The following ERG variants were observed in gnomAD, a reference collection of about 807,000 sequenced individuals.
ERG encodes ETS transcription factor ERG.
ERG carries 9 observed loss-of-function variants against 55.3 expected under a neutral mutation model. The observed-to-expected ratio is 0.16, with a 90% confidence interval of 0.10 to 0.28. The LOEUF (loss-of-function observed/expected upper bound fraction) is 0.28, where lower values mean the gene tolerates loss of function less well. Among genes scored for constraint, ERG ranks in the 10% least tolerant of loss-of-function variants. The probability of loss-of-function intolerance (pLI) is 1.00; values close to 1 mark genes in which losing one functional copy is unlikely to be tolerated. For synonymous variants in ERG, 223 were observed against 237.3 expected (o/e 0.94, Z 0.55); for missense variants, 434 against 631.6 (o/e 0.69, Z 3.35).
At chr21:38,420,268 G>A (rs563699810) in intron 3 of ERG, among the ~76,000 whole-genome samples, 4 of 151,608 alleles carry the variant, frequency 2.6e-5, no homozygotes, top group South Asian at 2.1e-4. Context: ...TTGGAAAATT[G>A]TCCAGATTGT....
chr21:38,627,795 A>G (rs2060333837), intron 1 of ERG, among the ~76,000 whole-genome samples: 1 of 152,242 alleles, frequency 6.6e-6, no homozygotes, highest in Admixed American at 6.5e-5. Context: ...GTATTTGAAA[A>G]TATCTTAATA....
chr21:38,612,059 TAGG>T (rs2060230730), intron 1 of ERG, among the ~76,000 whole-genome samples: 1 of 152,164 alleles, frequency 6.6e-6, no homozygotes, highest in African/African-American at 2.4e-5. Context: ...AGCTCATAAA[TAGG>T]AGGAAGAATG....
chr21:38,459,359 T>A (rs534327734), intron 1 of ERG, among the ~76,000 whole-genome samples: 1 of 152,348 alleles, frequency 6.6e-6, no homozygotes, highest in Non-Finnish European at 1.5e-5. Context: ...TAAGACAGTT[T>A]TCCAATGTAA....
At chr21:38,464,139 A>G (rs2059067929) in intron 1 of ERG, among the ~76,000 whole-genome samples, 1 of 152,236 alleles carries the variant, frequency 6.6e-6, no homozygotes, top group African/African-American at 2.4e-5. Flanking sequence ...CAAATTAAAT[A>G]TTAAACAACT....
intron 1 of ERG, among the ~76,000 whole-genome samples, chr21:38,475,744 C>T (rs915642679): frequency 2.0e-5 from 3 of 152,180 alleles, no homozygotes; most frequent in Admixed American, 6.5e-5. Flanking sequence ...ACTCTGTCTT[C>T]GTTGAGCTGT....
chr21:38,642,840 T>C (rs1158413188), intron 1 of ERG, among the ~76,000 whole-genome samples: 3 of 152,162 alleles, frequency 2.0e-5, no homozygotes, highest in East Asian at 3.9e-4. Context: ...TTCCAAAATA[T>C]GTATGTGTTT....
chr21:38,420,901 T>G (rs1319010670), intron 3 of ERG, among the ~76,000 whole-genome samples: 1 of 152,154 alleles, frequency 6.6e-6, no homozygotes, highest in East Asian at 1.9e-4. Flanking sequence ...ACACTTTGTT[T>G]TGTCTCCTTT....
At chr21:38,633,314 T>G (rs2060368346) in intron 1 of ERG, among the ~76,000 whole-genome samples, 1 of 152,212 alleles carries the variant, frequency 6.6e-6, no homozygotes, top group South Asian at 2.1e-4. Flanking sequence ...CAGAACAATG[T>G]GAAAATACTT....
intron 2 of ERG, among the ~76,000 whole-genome samples, chr21:38,563,562 G>A (rs1245699805): frequency 1.3e-5 from 2 of 152,208 alleles, no homozygotes; most frequent in African/African-American, 4.8e-5. Flanking sequence ...ATCATACCTA[G>A]AAAGGAGAGA....
chr21:38,414,529 A>G (rs547201937), intron 3 of ERG, among the ~76,000 whole-genome samples: 2 of 152,314 alleles, frequency 1.3e-5, no homozygotes, highest in East Asian at 1.9e-4. Context: ...TTTTTATCCC[A>G]GGTACTGTTT....
At chr21:38,434,641 T>C (rs1868283555) in intron 2 of ERG, among the ~76,000 whole-genome samples, 1 of 152,182 alleles carries the variant, frequency 6.6e-6, no homozygotes, top group African/African-American at 2.4e-5. Context: ...CAGAAAACCA[T>C]TGCTGACCTT....
chr21:38,553,213 T>C (rs2059835957), intron 2 of ERG, among the ~76,000 whole-genome samples: 2 of 152,104 alleles, frequency 1.3e-5, no homozygotes, highest in Admixed American at 1.3e-4. Context: ...GGAAAAACAT[T>C]CCATGCCCAT....
intron 2 of ERG, among the ~76,000 whole-genome samples, chr21:38,509,340 G>A (rs988091253): frequency 3.9e-5 from 6 of 152,172 alleles, no homozygotes; most frequent in African/African-American, 1.4e-4. Flanking sequence ...TATGTGCTAA[G>A]CATTGTCGGT....
intron 1 of ERG, among the ~76,000 whole-genome samples, chr21:38,582,366 A>G: frequency 6.6e-6 from 1 of 152,234 alleles, no homozygotes; most frequent in Non-Finnish European, 1.5e-5. Context: ...CAGTGTCAGA[A>G]CTGAATTGAA....
rs1057413691 is a variant in ERG, at chr21:38,460,507, C to T, written c.19-14886G>A. 2.6e-5 allele frequency among the ~76,000 whole-genome samples: 4 copies of T among 152,164 alleles called. No individual in the cohort carries two copies. The highest frequency in any genetic ancestry group is 9.7e-5 in the African/African-American group (4 of 41,438). ...TGCCATGTGTACACCAAAAGCCACA[C>T]CTAATAAAATGTTACAGCCATCCTT... On this transcript the variant is annotated intron_variant, in intron 1 of 9. Transcript: ENST00000288319. This position sits in a 1 kb window ranked among gnomAD's most constrained non-coding sequence, Gnocchi z 5.0.
chr21:38,482,443 G>A (rs975559444), intron 1 of ERG, among the ~76,000 whole-genome samples: 7 of 152,076 alleles, frequency 4.6e-5, no homozygotes, highest in Non-Finnish European at 7.4e-5. Flanking sequence ...AGACACTGTG[G>A]AAAAAAGTAT....
intron 1 of ERG, among the ~76,000 whole-genome samples, chr21:38,660,821 G>A (rs2060549877): frequency 6.6e-6 from 1 of 151,670 alleles, no homozygotes; most frequent in South Asian, 2.1e-4. Context: ...CCAGGTGCGC[G>A]TGGGTGCGAG....
At chr21:38,400,392 C>T (rs1988429662) in intron 6 of ERG, 182 bp downstream of exon 6, 1 of 716,840 alleles carries the variant, frequency 1.4e-6, no homozygotes, top group Non-Finnish European at 2.6e-6. Context: ...TTAGTGTGGT[C>T]TTTGAATGAA....
At chr21:38,508,839 G>T (rs1474510217) in intron 2 of ERG, among the ~76,000 whole-genome samples, 2 of 152,204 alleles carry the variant, frequency 1.3e-5, no homozygotes, top group Non-Finnish European at 2.9e-5. Flanking sequence ...TACAGCAGAA[G>T]TTCAGCTATG....
Sources: allele counts gnomAD v4.1 joint callset (sites outside exome capture counted in the v4.1 genomes callset), GRCh38; gene constraint gnomAD v4.1.1; non-coding constraint Gnocchi (gnomAD v3.1); transcripts MANE v1.5; gene names NCBI Gene and HGNC (gene_info 2026-07-23, HGNC 2026-07-21).